Variants in SDK1 observed in about 807,000 individuals in gnomAD.
SDK1 encodes the protein protein sidekick-1.
SDK1 carries 157 observed loss-of-function variants against 245.5 expected under a neutral mutation model. The ratio of observed to expected loss-of-function variants is 0.64; its 90% CI spans 0.56 to 0.73. The LOEUF (loss-of-function observed/expected upper bound fraction) is 0.73, where lower values mean the gene tolerates loss of function less well. Among genes scored for constraint, SDK1 ranks in the 30% least tolerant of loss-of-function variants. The pLI is 0.00. For synonymous variants in SDK1, 1,647 were observed against 1,278.5 expected, an observed-to-expected ratio of 1.29 and a Z score of -6.15; for missense variants, 3,583 against 3,002.3, an observed-to-expected ratio of 1.19 and a Z score of -4.52.
At chr7:3,478,303 T>A (rs1781407210) in intron 1 of SDK1, among the ~76,000 whole-genome samples, 1 of 151,942 alleles carries the variant, frequency 6.6e-6, no homozygotes, top group African/African-American at 2.4e-5. Context: ...ATGATGAGAG[T>A]GTTGACTTAT....
chr7:3,850,602 C>A (rs888954487), intron 5 of SDK1, among the ~76,000 whole-genome samples: 2 of 152,260 alleles, frequency 1.3e-5, no homozygotes, highest in East Asian at 3.9e-4. Flanking sequence ...GACTTGGAAC[C>A]AACCCAAATG....
At chr7:3,397,968 C>T (rs1005841884) in intron 1 of SDK1, among the ~76,000 whole-genome samples, 1 of 152,054 alleles carries the variant, frequency 6.6e-6, no homozygotes. Flanking sequence ...TGCCTTTCAG[C>T]ATGCCTTGTA....
chr7:3,748,411 A>G (rs1401275155), intron 4 of SDK1, among the ~76,000 whole-genome samples: 2 of 152,230 alleles, frequency 1.3e-5, no homozygotes, highest in South Asian at 2.1e-4. Flanking sequence ...AATAGCCTGT[A>G]TATATTATAA....
chr7:4,129,522 C>T (rs903641041), intron 26 of SDK1, among the ~76,000 whole-genome samples: 2 of 152,124 alleles, frequency 1.3e-5, no homozygotes, highest in East Asian at 3.9e-4. Context: ...AAACCAGCTT[C>T]CATGGCTGGA....
chr7:4,068,511 C>T (rs78570519), intron 20 of SDK1, among the ~76,000 whole-genome samples: 3,820 of 152,094 alleles, frequency 0.025, 79 homozygotes, highest in Admixed American at 0.053. Context: ...CTTCTGACTC[C>T]AGATCCCATG....
chr7:3,817,258 G>C (rs1490852547), intron 4 of SDK1, among the ~76,000 whole-genome samples: 1 of 152,006 alleles, frequency 6.6e-6, no homozygotes, highest in Non-Finnish European at 1.5e-5. Context: ...CTTCCCCTTG[G>C]GTCCATAGAT....
intron 4 of SDK1, among the ~76,000 whole-genome samples, chr7:3,649,110 C>T (rs2128655118): frequency 6.6e-6 from 1 of 152,202 alleles, no homozygotes; most frequent in East Asian, 1.9e-4. Context: ...ACGTGTGCCC[C>T]TCAGTGGGTG....
chr7:3,572,318 C>G (rs554894768), intron 1 of SDK1, among the ~76,000 whole-genome samples: 1 of 152,082 alleles, frequency 6.6e-6, no homozygotes, highest in South Asian at 2.1e-4. Context: ...GATGGCAGTT[C>G]TAGGCAAAAA....
At chr7:4,150,991 G>T (rs896102248) in intron 30 of SDK1, among the ~76,000 whole-genome samples, 1 of 152,220 alleles carries the variant, frequency 6.6e-6, no homozygotes, top group East Asian at 1.9e-4. Flanking sequence ...GGGCTCTCAG[G>T]TGTCTCCAGC....
At chr7:3,821,800 G>A (rs1779653500) in intron 5 of SDK1, among the ~76,000 whole-genome samples, 1 of 151,818 alleles carries the variant, frequency 6.6e-6, no homozygotes, top group Admixed American at 6.6e-5. Flanking sequence ...TGGTACTTCT[G>A]AATGCCAGAT....
chr7:3,502,086 G>C (rs1254714787), intron 1 of SDK1, among the ~76,000 whole-genome samples: 2 of 151,944 alleles, frequency 1.3e-5, no homozygotes, highest in Admixed American at 6.6e-5. Context: ...AATATTATTA[G>C]TGGGGTTTAG....
intron 4 of SDK1, among the ~76,000 whole-genome samples, chr7:3,791,263 G>T (rs1016383798): frequency 6.6e-6 from 1 of 152,152 alleles, no homozygotes; most frequent in South Asian, 2.1e-4. Flanking sequence ...TGCTGGACTA[G>T]ATGAATCCGC....
chr7:3,338,808 C>T (rs1780271606), intron 1 of SDK1, among the ~76,000 whole-genome samples: 1 of 151,980 alleles, frequency 6.6e-6, no homozygotes, highest in African/African-American at 2.4e-5. Context: ...TACTGTAGTC[C>T]TTAGAGCAGC....
chr7:3,835,982 C>T (rs1291693034), intron 5 of SDK1, among the ~76,000 whole-genome samples: 1 of 152,212 alleles, frequency 6.6e-6, no homozygotes, highest in African/African-American at 2.4e-5. Context: ...GGAAAGACTT[C>T]ACAATAGCTC....
At chr7:3,536,079 C>T (rs566454366) in intron 1 of SDK1, among the ~76,000 whole-genome samples, 90 of 150,188 alleles carry the variant, frequency 6.0e-4, no homozygotes, top group African/African-American at 1.8e-3. Context: ...TTTTCTTAGA[C>T]GGAGTCTCAC....
intron 4 of SDK1, among the ~76,000 whole-genome samples, chr7:3,772,230 G>A (rs927029419): frequency 6.6e-6 from 1 of 151,656 alleles, no homozygotes; most frequent in Non-Finnish European, 1.5e-5. Flanking sequence ...TTTGTGTAGT[G>A]ACATGTTTGA....
In SDK1 at chr7:3,386,928, G is replaced by A. The variant is rs188929018; in HGVS notation, c.298+85044G>A. 1.7e-3 allele frequency among the ~76,000 whole-genome samples: 266 copies of A among 152,302 alleles called. 1 individual carries two copies. Among genetic ancestry groups the A allele is most frequent in the Admixed American group, 4.6e-3 (71 of 15,292 alleles). On this transcript the variant is annotated intron_variant, in intron 1 of 44. Transcript: ENST00000404826. ...ACTGAATGCTGCAGAGGAATAAAGA[G>A]AGGAAAACCCAGAGAGCTCCATGAA...
chr7:3,437,125 A>G (rs1056731848), intron 1 of SDK1, among the ~76,000 whole-genome samples: 17 of 152,324 alleles, frequency 1.1e-4, no homozygotes, highest in African/African-American at 2.6e-4. Flanking sequence ...TTAAAAATCA[A>G]TACGGGACAT....
intron 5 of SDK1, among the ~76,000 whole-genome samples, chr7:3,905,034 T>C (rs546661223): frequency 1.3e-5 from 2 of 151,790 alleles, no homozygotes; most frequent in African/African-American, 2.4e-5. Context: ...CCTACTTATC[T>C]GTGTATTTTA....
Sources: allele counts gnomAD v4.1 joint callset (sites outside exome capture counted in the v4.1 genomes callset), GRCh38; gene constraint gnomAD v4.1.1; transcripts MANE v1.5; gene names NCBI Gene and HGNC (gene_info 2026-07-23, HGNC 2026-07-21).